SH2B2: variants seen among roughly 807,000 people sequenced by gnomAD.
The protein encoded by SH2B2 is SH2B adapter protein 2.
Under a neutral mutation model 35.7 loss-of-function variants are expected in SH2B2, and 37 were observed. That is an observed-to-expected ratio of 1.04 (90% CI 0.80 to 1.36). SH2B2 has a LOEUF of 1.36. Among genes scored for constraint, SH2B2 ranks in the 40% most tolerant of loss-of-function variants. The pLI is 0.00. For synonymous variants in SH2B2, 383 were observed against 376.4 expected (o/e 1.02, Z -0.20); for missense variants, 852 against 817.7 (o/e 1.04, Z -0.51).
At chr7:102,288,705 T>C (rs1563544099) in intron 1 of SH2B2, among the ~76,000 whole-genome samples, 1 of 152,168 alleles carries the variant, frequency 6.6e-6, no homozygotes, top group African/African-American at 2.4e-5. Context: ...TCAAACTTAC[T>C]TGTGCCAAGC....
Position 102,297,130 on chromosome 7 carries a change from T to C in SH2B2, c.-29-3392T>C, listed in dbSNP as rs1054336139. ...AATACAAATGTAAATTGCAGGCCAGTCTGAGTAGCAGGATGAAGTCTCAAA... is the reference window on the plus strand; with the variant it reads ...AATACAAATGTAAATTGCAGGCCAGCCTGAGTAGCAGGATGAAGTCTCAAA... On this transcript the variant is annotated intron_variant, in intron 1 of 8. Coordinates refer to ENST00000444095, the MANE Select transcript of SH2B2 (RefSeq NM_001359228.2). The surrounding 1 kb of genome is among the most constrained non-coding windows in gnomAD (Gnocchi z 4.3). Among the ~76,000 whole-genome samples the C allele has an allele frequency of 2.0e-5, 3 of 152,130 alleles. No individual in the cohort carries two copies. Among genetic ancestry groups the C allele is most frequent in the Admixed American group, 6.6e-5 (1 of 15,264 alleles).
intron 6 of SH2B2, 119 bp from the exon 7 acceptor site, chr7:102,317,068 T>C (rs1438220534): frequency 1.6e-5 from 13 of 831,970 alleles, no homozygotes; most frequent in South Asian, 2.1e-5. Flanking sequence ...TTAAACATTA[T>C]TCCAACAGCA....
chr7:102,321,307 C>A lies in SH2B2; in HGVS notation c.1576C>A (p.Pro526Thr). Reference protein sequence around the residue: ...RAQDPPPEPGPTPPAAPASPA... With the variant: ...RAQDPPPEPGTTPPAAPASPA... ...CCGTCGCCTTGTTGCAGAGCCGGGC[C>A]CCACGCCCCCTGCCGCGCCCGCGTC... Residue 526 changes from proline to threonine, a missense_variant, in exon 9 of 9, where the codon CCC becomes ACC. Physicochemically the swap from Pro to Thr is conservative, Grantham distance 38 (BLOSUM62 -1). Around this residue, in one of 3 missense-constraint regions of SH2B2, gnomAD observed 556 missense variants for 514.5 expected, o/e 1.08. Coordinates refer to ENST00000444095, the MANE Select transcript of SH2B2 (RefSeq NM_001359228.2). 7.1e-7 allele frequency: 1 copy of A among 1,410,456 alleles called. No homozygotes were observed. The highest frequency in any genetic ancestry group is 1.5e-5 in the South Asian group (1 of 68,408). 87.4% of individuals were successfully genotyped at this position (1,410,456 alleles called of 1,614,324 possible).
At chr7:102,313,576 T>A (rs932668474) in intron 4 of SH2B2, among the ~76,000 whole-genome samples, 94 of 152,258 alleles carry the variant, frequency 6.2e-4, no homozygotes, top group African/African-American at 2.2e-3. Context: ...CATGAGCCAC[T>A]GTGCCTGGCT....
At chr7:102,308,339 C>T (rs1176935667) in intron 3 of SH2B2, among the ~76,000 whole-genome samples, 4 of 152,244 alleles carry the variant, frequency 2.6e-5, no homozygotes, top group Non-Finnish European at 5.9e-5. Context: ...GCCCTCTTCC[C>T]CTTCAGAGGC....
At chr7:102,307,509 C>T (rs1793450401) in intron 3 of SH2B2, among the ~76,000 whole-genome samples, 1 of 152,188 alleles carries the variant, frequency 6.6e-6, no homozygotes, top group Admixed American at 6.5e-5. Context: ...TGCCCGTTCT[C>T]ATTTGTTTAG....
intron 4 of SH2B2, chr7:102,309,246 C>T: frequency 2.1e-6 from 1 of 475,464 alleles, no homozygotes; most frequent in South Asian, 1.7e-5. Flanking sequence ...GGTGCAGTGG[C>T]TCACATCTGT....
At chr7:102,285,270 G>A (rs1013575916), upstream of SH2B2, 37 of 1,539,408 alleles carry the variant, frequency 2.4e-5, no homozygotes, top group Admixed American at 2.0e-4. Flanking sequence ...TTAGTCCACC[G>A]CGGGTCAGGC....
intron 6 of SH2B2, among the ~76,000 whole-genome samples, chr7:102,315,744 G>GAAAAAAAA (rs61456197): frequency 2.9e-4 from 26 of 90,432 alleles, no homozygotes; most frequent in African/African-American, 4.6e-4. Flanking sequence ...CCTGTGAAAA[G>GAAAAAAAA]AAAAAAAAAA....
chr7:102,286,248 G>A (rs1792442760), upstream of SH2B2, among the ~76,000 whole-genome samples: 1 of 152,248 alleles, frequency 6.6e-6, no homozygotes, highest in Non-Finnish European at 1.5e-5. Context: ...TGGCCCGGGG[G>A]CGATTTCCCG....
chr7:102,317,104 A>C (rs1396218963), intron 6 of SH2B2, 83 bp from the exon 7 acceptor site: 6 of 1,134,446 alleles, frequency 5.3e-6, no homozygotes, highest in Non-Finnish European at 7.4e-6. Context: ...AACCAACAAG[A>C]CGTCACCTCT....
chr7:102,291,800 G>A (rs1324221007), intron 1 of SH2B2, among the ~76,000 whole-genome samples: 1 of 152,246 alleles, frequency 6.6e-6, no homozygotes, highest in Non-Finnish European at 1.5e-5. Context: ...AGACTGCGCT[G>A]TGTGCTGTGT....
intron 7 of SH2B2, among the ~76,000 whole-genome samples, chr7:102,319,251 C>T (rs1586607912): frequency 1.3e-5 from 2 of 152,350 alleles, no homozygotes; most frequent in Admixed American, 1.3e-4. Flanking sequence ...CTGTGCCCTG[C>T]GCAGGCTCTG....
In SH2B2 at chr7:102,309,624, G is replaced by A. The variant is rs189508245; in HGVS notation, c.923+718G>A. 67 of 227,060 alleles carry A rather than the reference G, an allele frequency of 3.0e-4. No individual in the cohort carries two copies. In the Admixed American group the frequency reaches 3.7e-3, roughly 12 times the overall value. The allele number at this position is 227,060 out of a possible 1,614,324, so 14.1% of individuals were successfully genotyped here. A position where few individuals can be genotyped will look rare whatever the true frequency, so the allele number is the denominator to read the frequency against. On this transcript the variant is annotated intron_variant, in intron 4 of 8. Transcript: ENST00000444095. ...GATCCGCCCAACTCAGCCTCCCGAA[G>A]TGCTGGGATTACCGGCATGAGCCAC...
At chr7:102,288,106 A>AG (rs1792525431) in intron 1 of SH2B2, among the ~76,000 whole-genome samples, 1 of 152,096 alleles carries the variant, frequency 6.6e-6, no homozygotes, top group Non-Finnish European at 1.5e-5. Flanking sequence ...TCCCAGAGTC[A>AG]GGTCCCTGGA....
chr7:102,288,738 C>T (rs1474844170), intron 1 of SH2B2, among the ~76,000 whole-genome samples: 7 of 152,138 alleles, frequency 4.6e-5, no homozygotes, highest in East Asian at 3.9e-4. Context: ...GATCGCCGTT[C>T]GTGTCATCTT....
chr7:102,293,514 A>T lies in SH2B2; in HGVS notation c.-30+6420A>T, dbSNP rs554641033. Among the ~76,000 whole-genome samples the T allele has an allele frequency of 2.0e-5, 3 of 149,388 alleles. No individual in the cohort carries two copies. The East Asian group carries it at 6.2e-4, about 31-fold the overall frequency. On this transcript the variant is annotated intron_variant, in intron 1 of 8. Transcript: ENST00000444095. ...TTCAGGAGGAGAAGGCAGACAGCCC[A>T]GCTGAGCCTAGAAAAACCGGAGGTG...
chr7:102,310,910 C>T (rs1158755909), intron 4 of SH2B2, among the ~76,000 whole-genome samples: 1 of 152,112 alleles, frequency 6.6e-6, no homozygotes, highest in African/African-American at 2.4e-5. Flanking sequence ...CCAGGAGGAG[C>T]CCAGCCCCTC....
chr7:102,318,762 G>A (rs1254426259), intron 7 of SH2B2, among the ~76,000 whole-genome samples: 2 of 152,168 alleles, frequency 1.3e-5, no homozygotes, highest in Non-Finnish European at 2.9e-5. Context: ...CACCATGCAG[G>A]AGGTAGCACC....
Sources: gnomAD v4.1 joint callset for allele counts (sites outside exome capture counted in the v4.1 genomes callset) on GRCh38, gnomAD v4.1.1 for gene constraint, gnomAD v4.1.1 regional missense constraint, Gnocchi (gnomAD v3.1) non-coding constraint, MANE v1.5 for transcripts, NCBI Gene and HGNC (gene_info 2026-07-23, HGNC 2026-07-21) for gene names.